The following MICU2 variants were observed in gnomAD, a reference collection of about 807,000 sequenced individuals.
The protein encoded by MICU2 is calcium uptake protein 2, mitochondrial.
A neutral mutation model predicts 60.4 loss-of-function variants in MICU2; 64 were observed. That is an observed-to-expected ratio of 1.06 (90% confidence interval 0.87 to 1.31). The LOEUF (loss-of-function observed/expected upper bound fraction) is 1.31, where lower values mean the gene tolerates loss of function less well. MICU2 is among the 50% of genes most tolerant of loss of function. MICU2 has a pLI of 0.00. For synonymous variants in MICU2, 201 were observed against 175.0 expected, an observed-to-expected ratio of 1.15 and a Z score of -1.17; for missense variants, 569 against 531.0, an observed-to-expected ratio of 1.07 and a Z score of -0.70.
chr13:21,500,153 T>C (rs1593313199), intron 9 of MICU2, among the ~76,000 whole-genome samples: 1 of 56,900 alleles, frequency 1.8e-5, no homozygotes, highest in Non-Finnish European at 4.6e-5. Context: ...CTCAGCATCA[T>C]GCCCATGGGG....
chr13:21,567,436 T>C (rs1281842570), intron 1 of MICU2, among the ~76,000 whole-genome samples: 1 of 152,124 alleles, frequency 6.6e-6, no homozygotes, highest in African/African-American at 2.4e-5. Flanking sequence ...AAAGGCCACG[T>C]TACCAGAGTG....
At chr13:21,562,420 A>G (rs949957484) in intron 2 of MICU2, among the ~76,000 whole-genome samples, 3 of 147,858 alleles carry the variant, frequency 2.0e-5, no homozygotes, top group African/African-American at 7.4e-5. Context: ...ATATCTAACT[A>G]TTGCACTTGA....
intron 1 of MICU2, among the ~76,000 whole-genome samples, chr13:21,581,610 A>G (rs1197604178): frequency 6.6e-6 from 1 of 152,232 alleles, no homozygotes. Flanking sequence ...AAATACAATA[A>G]TTAGTAAAAT....
intron 2 of MICU2, among the ~76,000 whole-genome samples, chr13:21,545,672 T>TA (rs1310960088): frequency 2.0e-3 from 270 of 133,666 alleles, no homozygotes; most frequent in African/African-American, 6.4e-3. Flanking sequence ...AAACTCCATC[T>TA]AAAAAAAAAA....
At chr13:21,513,951 G>A (rs1215173492) in intron 7 of MICU2, among the ~76,000 whole-genome samples, 1 of 152,042 alleles carries the variant, frequency 6.6e-6, no homozygotes, top group African/African-American at 2.4e-5. Context: ...TGCCCAGGGA[G>A]GAGAACTGTG....
intron 7 of MICU2, among the ~76,000 whole-genome samples, chr13:21,511,116 C>T (rs1461714917): frequency 6.6e-6 from 1 of 152,156 alleles, no homozygotes; most frequent in African/African-American, 2.4e-5. Context: ...AATAGAATCA[C>T]AGAGAGAAAG....
chr13:21,571,406 A>T (rs939124297), intron 1 of MICU2, among the ~76,000 whole-genome samples: 3 of 152,122 alleles, frequency 2.0e-5, no homozygotes, highest in African/African-American at 7.2e-5. Flanking sequence ...TTTAAAAAAA[A>T]TCAATATTAG....
rs184651166 is a variant in MICU2, at chr13:21,534,272, C to T, written c.466+5030G>A. Among the ~76,000 whole-genome samples, 50 of 151,304 alleles carry T rather than the reference C, an allele frequency of 3.3e-4. 1 individual carries two copies. The East Asian group carries it at 9.5e-3, about 29-fold the overall frequency. The stretch of plus-strand genomic sequence containing the variant: ...CCAGGCTGGAGTATAGCGGTACAAT[C>T]GTGGCTCACTGAAGCCAGCTTCTTA... On this transcript the variant is annotated intron_variant, in intron 4 of 11. Transcript: ENST00000382374.
intron 2 of MICU2, among the ~76,000 whole-genome samples, chr13:21,555,289 G>A (rs1436431599): frequency 1.3e-5 from 2 of 152,102 alleles, no homozygotes; most frequent in East Asian, 3.9e-4. Flanking sequence ...CTGGCAAACC[G>A]AATACAGCAA....
chr13:21,495,415 A>G (rs1885969475), intron 10 of MICU2, 97 bp from the exon 11 acceptor site: 1 of 1,245,256 alleles, frequency 8.0e-7, no homozygotes, highest in Admixed American at 3.1e-5. Flanking sequence ...AGCAAATCCA[A>G]ATTTTTATTA....
chr13:21,589,223 A>G (rs1436837040), intron 1 of MICU2, among the ~76,000 whole-genome samples: 1 of 152,220 alleles, frequency 6.6e-6, no homozygotes, highest in Non-Finnish European at 1.5e-5. Context: ...ACCCCTTTAC[A>G]GGATGGCTAG....
At chr13:21,561,804 G>C (rs1429356107) in intron 2 of MICU2, among the ~76,000 whole-genome samples, 2 of 144,898 alleles carry the variant, frequency 1.4e-5, no homozygotes, top group African/African-American at 5.1e-5. Flanking sequence ...CTGGTGTGCT[G>C]CACCCATTAA....
chr13:21,591,797 G>C (rs558706817), intron 1 of MICU2, among the ~76,000 whole-genome samples: 38 of 152,164 alleles, frequency 2.5e-4, no homozygotes, highest in African/African-American at 8.9e-4. Flanking sequence ...GAAATTAAGG[G>C]AGAAATCAAC....
chr13:21,558,489 T>C (rs1267561530), intron 2 of MICU2, among the ~76,000 whole-genome samples: 1 of 152,238 alleles, frequency 6.6e-6, no homozygotes, highest in Non-Finnish European at 1.5e-5. Context: ...GTCCTCCCAA[T>C]TACCTTTCAC....
At chr13:21,534,234 C>A (rs1016181670) in intron 4 of MICU2, among the ~76,000 whole-genome samples, 2 of 148,978 alleles carry the variant, frequency 1.3e-5, no homozygotes, top group Non-Finnish European at 1.5e-5. Flanking sequence ...AAGACAAGGT[C>A]TCACTCTATT....
chr13:21,496,336 G>T (rs1041975342), intron 9 of MICU2, 176 bp from the exon 10 acceptor site: 23 of 550,028 alleles, frequency 4.2e-5, no homozygotes, highest in African/African-American at 4.0e-4. Context: ...CACACAAAGG[G>T]CACAGTGAGA....
intron 4 of MICU2, among the ~76,000 whole-genome samples, chr13:21,537,898 C>T (rs542015463): frequency 6.6e-6 from 1 of 152,288 alleles, no homozygotes; most frequent in South Asian, 2.1e-4. Flanking sequence ...TCTCCTGATA[C>T]AGTGGGAAAG....
intron 1 of MICU2, among the ~76,000 whole-genome samples, chr13:21,583,173 T>C (rs2138059991): frequency 6.6e-6 from 1 of 152,266 alleles, no homozygotes; most frequent in Non-Finnish European, 1.5e-5. Flanking sequence ...GAGGCCTGCT[T>C]GGGTCTAGGA....
At chr13:21,534,584 A>T (rs778040691) in intron 4 of MICU2, among the ~76,000 whole-genome samples, 1 of 152,168 alleles carries the variant, frequency 6.6e-6, no homozygotes, top group East Asian at 1.9e-4. Context: ...AAAAACACGT[A>T]GTCTTCATAC....
Sources: allele counts gnomAD v4.1 joint callset (sites outside exome capture counted in the v4.1 genomes callset), GRCh38; gene constraint gnomAD v4.1.1; transcripts MANE v1.5; gene names NCBI Gene and HGNC (gene_info 2026-07-23, HGNC 2026-07-21).